LRRC74A: variants seen among roughly 807,000 people sequenced by gnomAD.
LRRC74A encodes the protein leucine rich repeat containing 74A, also known as leucine-rich repeat-containing protein 74A.
Under a neutral mutation model 57.9 loss-of-function variants are expected in LRRC74A, and 44 were observed. The ratio of observed to expected loss-of-function variants is 0.76; its 90% CI spans 0.60 to 0.98. The LOEUF is 0.98. LRRC74A is among the 50% of genes least tolerant of loss of function. LRRC74A has a pLI of 0.00. For synonymous variants in LRRC74A, 211 were observed against 219.4 expected (o/e 0.96, Z 0.34); for missense variants, 572 against 574.0 (o/e 1.00, Z 0.04).
intron 7 of LRRC74A, among the ~76,000 whole-genome samples, chr14:76,845,879 G>A (rs1897088808): frequency 6.6e-6 from 1 of 152,198 alleles, no homozygotes; most frequent in African/African-American, 2.4e-5. Flanking sequence ...TTAGCTGGAT[G>A]TGGTGGTGCA....
At chr14:76,847,009 G>A (rs1408302105) in intron 7 of LRRC74A, among the ~76,000 whole-genome samples, 4 of 152,052 alleles carry the variant, frequency 2.6e-5, no homozygotes, top group Admixed American at 6.6e-5. Context: ...GGTGGCCGTC[G>A]AACTGACCTT....
At chr14:76,857,872 C>T (rs1417690592) in intron 10 of LRRC74A, among the ~76,000 whole-genome samples, 1 of 152,170 alleles carries the variant, frequency 6.6e-6, no homozygotes, top group Non-Finnish European at 1.5e-5. Flanking sequence ...TATTAAAACA[C>T]ATACTTTATT....
At chr14:76,828,765 C>G in intron 2 of LRRC74A, 1 of 447,752 alleles carries the variant, frequency 2.2e-6, no homozygotes, top group South Asian at 1.6e-5. Context: ...AGGTAGGCAT[C>G]TTTGCCAGTT....
At chr14:76,852,764 G>A (rs1268588841) in intron 8 of LRRC74A, among the ~76,000 whole-genome samples, 2 of 151,800 alleles carry the variant, frequency 1.3e-5, no homozygotes, top group Non-Finnish European at 2.9e-5. Context: ...GACTACAGGT[G>A]CCCGCCACCA....
At chr14:76,863,067 T>C (rs1898444258) in intron 11 of LRRC74A, among the ~76,000 whole-genome samples, 1 of 152,150 alleles carries the variant, frequency 6.6e-6, no homozygotes, top group Non-Finnish European at 1.5e-5. Context: ...TGTGGAATGA[T>C]GGCTTGGCTG....
intron 7 of LRRC74A, among the ~76,000 whole-genome samples, chr14:76,851,212 G>GC (rs751551293): frequency 1.3e-5 from 2 of 152,342 alleles, no homozygotes; most frequent in East Asian, 3.9e-4. Flanking sequence ...CACCACTGCA[G>GC]CCGTGGCCTG....
Position 76,866,044 on chromosome 14 carries a change from C to T in LRRC74A, c.1277C>T (p.Ser426Phe). 6.3e-7 allele frequency: 1 copy of T among 1,590,232 alleles called. No homozygotes were observed. Among genetic ancestry groups the T allele is most frequent in the Non-Finnish European group, 8.6e-7 (1 of 1,161,880 alleles). The change falls in exon 12 of 14, where the codon TCT becomes TTT. Residue 426 changes from serine (S) to phenylalanine (F), a missense_variant. Transcript: ENST00000689127. ...SLNPTGTMKM[S>F]VDEFQKVMIE... ...AACCCCACTGGGACAATGAAGATGTCTGTGGATGAGTTCCAGAAAGTGATG... is the reference window on the plus strand; with the variant it reads ...AACCCCACTGGGACAATGAAGATGTTTGTGGATGAGTTCCAGAAAGTGATG...
At chr14:76,844,394 G>A in intron 5 of LRRC74A, 29 bp from the exon 6 acceptor site, 1 of 1,606,434 alleles carries the variant, frequency 6.2e-7, no homozygotes, top group Non-Finnish European at 8.5e-7. Flanking sequence ...GTCTAGCAGT[G>A]CATCACTGAC....
chr14:76,860,651 C>T, intron 10 of LRRC74A, 42 bp from the exon 11 acceptor site: 1 of 1,552,348 alleles, frequency 6.4e-7, no homozygotes, highest in South Asian at 1.2e-5. Context: ...GGCACGATGG[C>T]AGTGCCCTCA....
At chr14:76,857,128 G>GGATGGATA (rs1897958785) in intron 9 of LRRC74A, among the ~76,000 whole-genome samples, 1 of 151,130 alleles carries the variant, frequency 6.6e-6, no homozygotes, top group Non-Finnish European at 1.5e-5. Flanking sequence ...ATAGATGGAT[G>GGATGGATA]GATGGATGGG....
Position 76,868,111 on chromosome 14 carries a change from A to G in LRRC74A, c.1391+673A>G, listed in dbSNP as rs80198234. Among the ~76,000 whole-genome samples the G allele has an allele frequency of 3.4e-3, 519 of 152,326 alleles. 1 individual carries two copies. Among genetic ancestry groups the G allele is most frequent in the African/African-American group, 0.012 (498 of 41,580 alleles). The stretch of plus-strand genomic sequence containing the variant: ...TGCAGCCTCACGGTGCCCCATGGCA[A>G]TGCTGCCATCACCCCACTTAGCAAG... On this transcript the variant is annotated intron_variant, in intron 13 of 13. Coordinates refer to ENST00000689127, the MANE Select transcript of LRRC74A (RefSeq NM_001385106.1).
In LRRC74A at chr14:76,826,482, T is replaced by G. The variant is rs748205035; in HGVS notation, c.-216T>G. 6 of 1,542,714 alleles carry G rather than the reference T, an allele frequency of 3.9e-6. No homozygotes were observed. In the East Asian group the frequency reaches 9.5e-5, roughly 24 times the overall value. ...AAGTAGCTACCTCTCCCAGACAGAG[T>G]TGGGGTCAAATTCATGCACATCCAA... On this transcript the variant is annotated 5_prime_UTR_variant, in exon 1 of 14. Transcript: ENST00000689127.
At chr14:76,840,993 GA>G (rs1336050848) in intron 5 of LRRC74A, among the ~76,000 whole-genome samples, 1 of 152,030 alleles carries the variant, frequency 6.6e-6, no homozygotes, top group East Asian at 1.9e-4. Flanking sequence ...TACAAAAAAT[GA>G]TGATGTACTA....
intron 5 of LRRC74A, among the ~76,000 whole-genome samples, chr14:76,839,693 G>C (rs1343719609): frequency 6.6e-6 from 1 of 152,062 alleles, no homozygotes; most frequent in African/African-American, 2.4e-5. Context: ...TGTTGTATGG[G>C]GTTGTTAGTG....
intron 10 of LRRC74A, among the ~76,000 whole-genome samples, chr14:76,860,492 A>G (rs995478097): frequency 6.6e-6 from 1 of 152,198 alleles, no homozygotes; most frequent in Non-Finnish European, 1.5e-5. Flanking sequence ...ACATCCCATC[A>G]AAATTACCCA....
intron 13 of LRRC74A, 46 bp downstream of exon 13, chr14:76,867,484 T>G: frequency 1.7e-4 from 167 of 994,784 alleles, no homozygotes; most frequent in Non-Finnish European, 2.4e-4. Flanking sequence ...CAAGGGGCCC[T>G]GGCTGGGCTG....
chr14:76,867,850 G>A (rs1436163768), intron 13 of LRRC74A, among the ~76,000 whole-genome samples: 1 of 152,194 alleles, frequency 6.6e-6, no homozygotes, highest in Non-Finnish European at 1.5e-5. Context: ...AGCCGAGTCT[G>A]GCAAGACGGA....
intron 11 of LRRC74A, among the ~76,000 whole-genome samples, chr14:76,864,954 TGA>T (rs1366324525): frequency 6.6e-6 from 1 of 152,210 alleles, no homozygotes; most frequent in Non-Finnish European, 1.5e-5. Context: ...AGTAGAAAGA[TGA>T]GAGATTAGAT....
intron 5 of LRRC74A, among the ~76,000 whole-genome samples, chr14:76,841,396 T>C (rs1275771100): frequency 6.6e-6 from 1 of 152,216 alleles, no homozygotes; most frequent in African/African-American, 2.4e-5. Context: ...TTCAAAGTAA[T>C]CTTGAATCTT....
Sources: gnomAD v4.1 joint callset for allele counts (sites outside exome capture counted in the v4.1 genomes callset) on GRCh38, gnomAD v4.1.1 for gene constraint, MANE v1.5 for transcripts, NCBI Gene and HGNC (gene_info 2026-07-23, HGNC 2026-07-21) for gene names.